DTNA: variants seen among roughly 807,000 people sequenced by gnomAD.
DTNA encodes the protein dystrobrevin alpha.
A neutral mutation model predicts 100.7 loss-of-function variants in DTNA; 43 were observed. That is an observed-to-expected ratio of 0.43 (90% CI 0.33 to 0.55). DTNA has a LOEUF of 0.55. Ranked by LOEUF, DTNA falls within the 20% of genes least tolerant of loss-of-function variation. DTNA has a pLI of 0.04. For missense variants in DTNA, 798 were observed against 953.9 expected (o/e 0.84, Z 2.15); for synonymous variants, 349 against 347.9 (o/e 1.00, Z -0.04).
intron 1 of DTNA, among the ~76,000 whole-genome samples, chr18:34,615,225 G>A (rs1158408865): frequency 6.6e-6 from 1 of 151,874 alleles, no homozygotes; most frequent in Non-Finnish European, 1.5e-5. Context: ...GAGTGGAGGG[G>A]AAGGTGCCAC....
At chr18:34,869,817 C>T (rs112333408) in intron 17 of DTNA, among the ~76,000 whole-genome samples, 2 of 152,166 alleles carry the variant, frequency 1.3e-5, no homozygotes, top group Non-Finnish European at 2.9e-5. Flanking sequence ...GTCAGGAGAT[C>T]GAGACCATCC....
chr18:34,557,343 C>T (rs1323086392), intron 1 of DTNA, among the ~76,000 whole-genome samples: 2 of 149,292 alleles, frequency 1.3e-5, no homozygotes, highest in Admixed American at 1.3e-4. Flanking sequence ...GTAATTTGAT[C>T]GTCTGAAGCC....
At chr18:34,510,811 A>G (rs1363716367) in intron 1 of DTNA, among the ~76,000 whole-genome samples, 1 of 151,852 alleles carries the variant, frequency 6.6e-6, no homozygotes, top group Non-Finnish European at 1.5e-5. Context: ...GCTAGTCCAG[A>G]TCTGCATGTC....
intron 15 of DTNA, among the ~76,000 whole-genome samples, chr18:34,855,444 T>A (rs2096541349): frequency 6.6e-6 from 1 of 152,200 alleles, no homozygotes; most frequent in East Asian, 1.9e-4. Context: ...AGGAGATGAT[T>A]AGACAAAAGG....
At chr18:34,835,649 G>A (rs775860571) in intron 11 of DTNA, among the ~76,000 whole-genome samples, 2 of 152,234 alleles carry the variant, frequency 1.3e-5, no homozygotes, top group Admixed American at 6.5e-5. Context: ...CCTGTACACA[G>A]TACTGAGGCT....
At chr18:34,514,504 A>G (rs751255552) in intron 1 of DTNA, among the ~76,000 whole-genome samples, 8 of 152,174 alleles carry the variant, frequency 5.3e-5, no homozygotes, top group Non-Finnish European at 1.0e-4. Context: ...TAAAAAGTGA[A>G]TCATTTAAAT....
At chr18:34,706,727 A>G (rs1306476985), upstream of DTNA, among the ~76,000 whole-genome samples, 1 of 152,200 alleles carries the variant, frequency 6.6e-6, no homozygotes, top group Non-Finnish European at 1.5e-5. Flanking sequence ...TGCATGTTTG[A>G]AATATCTTAA....
intron 2 of DTNA, among the ~76,000 whole-genome samples, chr18:34,762,887 A>G (rs555212856): frequency 6.6e-6 from 1 of 152,298 alleles, no homozygotes; most frequent in South Asian, 2.1e-4. Flanking sequence ...GACAGGAGAG[A>G]GCAGTCAGTG....
Position 34,658,748 on chromosome 18 carries a change from C to A in DTNA, c.-1-97228C>A, listed in dbSNP as rs1568142140. On this transcript the variant is annotated intron_variant, in intron 1 of 19. Coordinates refer to the DTNA transcript ENST00000283365. ...AAAGCAGTGTTAAGAGCATTCAAGTCTAAAACAGAACAGAAAAGTCCAGAG... is the reference window on the plus strand; with the variant it reads ...AAAGCAGTGTTAAGAGCATTCAAGTATAAAACAGAACAGAAAAGTCCAGAG... Among the ~76,000 whole-genome samples, 2 of 152,276 alleles carry A rather than the reference C, an allele frequency of 1.3e-5. 1 individual carries two copies.
intron 1 of DTNA, among the ~76,000 whole-genome samples, chr18:34,716,426 G>T (rs2084088266): frequency 6.6e-6 from 1 of 152,114 alleles, no homozygotes; most frequent in South Asian, 2.1e-4. Context: ...AGCTGGGCGT[G>T]GTGGCAGGCG....
intron 2 of DTNA, 116 bp from the exon 3 acceptor site, chr18:34,765,845 C>A (rs756110748): frequency 2.0e-6 from 2 of 982,948 alleles, no homozygotes. Context: ...TATTTATATT[C>A]TAATAAAAAT....
Position 34,584,426 on chromosome 18 carries a change from A to T in DTNA, c.-2+90912A>T, listed in dbSNP as rs74566048. ...GTAAAAAAGAAATTGTGTTCATGAA[A>T]CTAAACATGGTGCTATGAAAAAGGA... On this transcript the variant is annotated intron_variant, in intron 1 of 19. Transcript: ENST00000283365. Among the ~76,000 whole-genome samples, 1,043 of 152,308 alleles carry T rather than the reference A, an allele frequency of 6.8e-3. 4 individuals carry two copies. The highest frequency in any genetic ancestry group is 0.024 in the Middle Eastern group (7 of 294).
chr18:34,652,069 A>G (rs995175890), intron 1 of DTNA, among the ~76,000 whole-genome samples: 3 of 148,590 alleles, frequency 2.0e-5, no homozygotes, highest in African/African-American at 7.7e-5. Flanking sequence ...CTGTCTCAAA[A>G]GAAAGAAAAG....
chr18:34,652,712 G>A (rs2060600898), intron 1 of DTNA, among the ~76,000 whole-genome samples: 1 of 152,096 alleles, frequency 6.6e-6, no homozygotes, highest in African/African-American at 2.4e-5. Context: ...TTCATTCTCT[G>A]AAGTCCTAAT....
intron 1 of DTNA, among the ~76,000 whole-genome samples, chr18:34,556,046 G>T (rs10167326): frequency 1.3e-3 from 201 of 151,096 alleles, no homozygotes; most frequent in African/African-American, 4.4e-3. Flanking sequence ...TTATGAATCT[G>T]GGTGCTCCTG....
intron 1 of DTNA, among the ~76,000 whole-genome samples, chr18:34,577,043 G>A (rs1025611917): frequency 1.3e-5 from 2 of 152,122 alleles, no homozygotes; most frequent in African/African-American, 4.8e-5. Flanking sequence ...AATAGTATTT[G>A]TGTAAGAGTG....
In DTNA at chr18:34,889,975, AC is replaced by A; in HGVS notation, c.*2242del. Reference sequence around the variant, plus strand: ...TGCCTCATACTCAGTATTGAAAACCACTACATCCCAGCTACCTATAATGCTG... The same window carrying A: ...TGCCTCATACTCAGTATTGAAAACCATACATCCCAGCTACCTATAATGCTG... On this transcript the variant is annotated 3_prime_UTR_variant, in exon 23 of 23. Coordinates refer to ENST00000444659, the MANE Select transcript of DTNA (RefSeq NM_001386795.1). 2 of 1,132,048 alleles carry A rather than the reference AC, an allele frequency of 1.8e-6. No homozygotes were observed. Among genetic ancestry groups the A allele is most frequent in the Middle Eastern group, 3.9e-4 (1 of 2,544 alleles). The allele number at this position is 1,132,048 out of a possible 1,614,324, so 70.1% of individuals were successfully genotyped here. A position where few individuals can be genotyped will look rare whatever the true frequency, so the allele number is the denominator to read the frequency against.
rs192575323 is a variant in DTNA, at chr18:34,712,420, G to A, written c.-2+1975G>A. On this transcript the variant is annotated intron_variant, in intron 1 of 22. Transcript: ENST00000444659. ...ATGAAAAAAAATCTACAGTGAGGTT[G>A]TCTCAGTCTTTGTAGTTATGGGCTA... 2.0e-5 allele frequency among the ~76,000 whole-genome samples: 3 copies of A among 152,194 alleles called. No homozygotes were observed. In the East Asian group the frequency reaches 5.8e-4, roughly 29 times the overall value.
chr18:34,867,646 G>T (rs1045236336), intron 17 of DTNA: 5 of 992,360 alleles, frequency 5.0e-6, no homozygotes, highest in Non-Finnish European at 4.8e-6. Flanking sequence ...CAATCATCCT[G>T]TCGTCATCAG....
Sources: gnomAD v4.1 joint callset for allele counts (sites outside exome capture counted in the v4.1 genomes callset) on GRCh38, gnomAD v4.1.1 for gene constraint, MANE v1.5 for transcripts, NCBI Gene and HGNC (gene_info 2026-07-23, HGNC 2026-07-21) for gene names.